TIAM1: variants seen among roughly 807,000 people sequenced by gnomAD.
TIAM1 encodes rho guanine nucleotide exchange factor TIAM1.
Under a neutral mutation model 163.5 loss-of-function variants are expected in TIAM1, and 65 were observed. That is an observed-to-expected ratio of 0.40 (90% CI 0.33 to 0.49). The LOEUF is 0.49. TIAM1 is among the 20% of genes least tolerant of loss of function. The pLI is 0.77. For synonymous variants in TIAM1, 833 were observed against 810.1 expected (o/e 1.03, Z -0.48); for missense variants, 1,789 against 2,044.7 (o/e 0.87, Z 2.41).
chr21:31,223,704 G>T, intron 7 of TIAM1, 113 bp from the exon 8 acceptor site: 1 of 1,113,272 alleles, frequency 9.0e-7, no homozygotes, highest in Non-Finnish European at 1.2e-6. Context: ...TAATCCTAAG[G>T]AATAAACAAC....
chr21:31,526,792 C>A (rs1050000541), intron 1 of TIAM1, among the ~76,000 whole-genome samples: 2 of 152,174 alleles, frequency 1.3e-5, no homozygotes, highest in African/African-American at 4.8e-5. Context: ...ACCTCCGCCT[C>A]CCAGGTTCGT....
chr21:31,216,012 T>G (rs2087186865), intron 9 of TIAM1, among the ~76,000 whole-genome samples: 1 of 151,948 alleles, frequency 6.6e-6, no homozygotes, highest in South Asian at 2.1e-4. Flanking sequence ...AATATAAAAA[T>G]AATAAGCTAT....
At chr21:31,289,613 G>A (rs951466532) in intron 2 of TIAM1, among the ~76,000 whole-genome samples, 2 of 152,116 alleles carry the variant, frequency 1.3e-5, no homozygotes, top group African/African-American at 4.8e-5. Context: ...ATGACAAATT[G>A]GGAGAGAATA....
chr21:31,502,276 T>G (rs1196148862), intron 1 of TIAM1, among the ~76,000 whole-genome samples: 8 of 152,154 alleles, frequency 5.3e-5, no homozygotes, highest in Admixed American at 5.2e-4. Context: ...TTATTTGTTT[T>G]TTATTTATCT....
At chr21:31,494,182 G>C (rs2046566931) in intron 1 of TIAM1, among the ~76,000 whole-genome samples, 1 of 152,106 alleles carries the variant, frequency 6.6e-6, no homozygotes, top group East Asian at 1.9e-4. Context: ...CCAAAGTGCT[G>C]GGATTACAGG....
At chr21:31,456,945 C>A (rs911645765) in intron 2 of TIAM1, among the ~76,000 whole-genome samples, 19 of 152,126 alleles carry the variant, frequency 1.2e-4, no homozygotes, top group Non-Finnish European at 8.8e-5. Flanking sequence ...ATACAAGACC[C>A]AACATTGCAC....
At chr21:31,552,646 C>T (rs1352516427) in intron 1 of TIAM1, among the ~76,000 whole-genome samples, 5 of 152,018 alleles carry the variant, frequency 3.3e-5, no homozygotes, top group Non-Finnish European at 5.9e-5. Context: ...TGGTGGTAGG[C>T]GCCTGTACAG....
chr21:31,354,210 G>T (rs943448032), intron 2 of TIAM1, among the ~76,000 whole-genome samples: 3 of 152,064 alleles, frequency 2.0e-5, no homozygotes, highest in African/African-American at 4.8e-5. Flanking sequence ...GGCTGAGTGT[G>T]ATTCCCAAAG....
At chr21:31,220,053 T>A (rs2087471288) in intron 8 of TIAM1, among the ~76,000 whole-genome samples, 1 of 152,132 alleles carries the variant, frequency 6.6e-6, no homozygotes, top group Non-Finnish European at 1.5e-5. Flanking sequence ...AGGAAAAAAA[T>A]GTCCATTTGG....
intron 1 of TIAM1, among the ~76,000 whole-genome samples, chr21:31,531,293 C>A (rs1171174696): frequency 6.6e-6 from 1 of 152,174 alleles, no homozygotes; most frequent in Non-Finnish European, 1.5e-5. Context: ...TTGCTCAGCT[C>A]CAACTGTAGG....
intron 1 of TIAM1, among the ~76,000 whole-genome samples, chr21:31,503,392 A>T (rs1283820483): frequency 7.1e-6 from 1 of 141,410 alleles, no homozygotes; most frequent in Non-Finnish European, 1.5e-5. Flanking sequence ...AAACTGAGGA[A>T]AGAAAAGAAA....
chr21:31,393,584 CA>C (rs2077003477), intron 2 of TIAM1, among the ~76,000 whole-genome samples: 1 of 152,146 alleles, frequency 6.6e-6, no homozygotes, highest in Non-Finnish European at 1.5e-5. Context: ...TCCTCTCCAC[CA>C]CCACTGAGAA....
At chr21:31,491,069 T>G (rs2046452923) in intron 1 of TIAM1, among the ~76,000 whole-genome samples, 1 of 152,108 alleles carries the variant, frequency 6.6e-6, no homozygotes, top group African/African-American at 2.4e-5. Flanking sequence ...AGTCGGAGGT[T>G]GCCGTGAGCC....
chr21:31,344,317 G>C (rs2076104050), upstream of TIAM1: 1 of 152,104 alleles, frequency 6.6e-6, no homozygotes, highest in Non-Finnish European at 1.5e-5. Flanking sequence ...AGGGTTGGTC[G>C]CTCCTCCCTT....
chr21:31,427,320 A>T (rs1429681324), intron 2 of TIAM1, among the ~76,000 whole-genome samples: 1 of 152,008 alleles, frequency 6.6e-6, no homozygotes, highest in Admixed American at 6.6e-5. Context: ...CCCTGTCTCT[A>T]CTAAAATATG....
intron 19 of TIAM1, among the ~76,000 whole-genome samples, chr21:31,152,035 TTTTTTTTTTTTTG>T (rs1000990495): frequency 3.4e-4 from 30 of 87,308 alleles, no homozygotes; most frequent in African/African-American, 1.5e-3. Flanking sequence ...TTTTTTTTTT[TTTTTTTTTTTTTG>T]TAAGACGGAG....
chr21:31,225,991 T>C (rs1285422222), intron 6 of TIAM1, 41 bp from the exon 7 acceptor site: 12 of 1,576,984 alleles, frequency 7.6e-6, no homozygotes, highest in Middle Eastern at 3.9e-4. Flanking sequence ...AGGCACCTCT[T>C]AGGAACTTAA....
At chr21:31,292,969 G>A (rs748276174) in intron 2 of TIAM1, among the ~76,000 whole-genome samples, 8 of 152,070 alleles carry the variant, frequency 5.3e-5, no homozygotes, top group Non-Finnish European at 1.0e-4. Flanking sequence ...GATTACAGGC[G>A]CCCGCCACCA....
At chr21:31,355,061 C>G (rs893401403) in intron 2 of TIAM1, among the ~76,000 whole-genome samples, 1 of 151,948 alleles carries the variant, frequency 6.6e-6, no homozygotes, top group Admixed American at 6.6e-5. Context: ...TAAAGAAGAG[C>G]TGTAATCCCT....
Sources: allele counts gnomAD v4.1 joint callset (sites outside exome capture counted in the v4.1 genomes callset), GRCh38; gene constraint gnomAD v4.1.1; transcripts MANE v1.5; gene names NCBI Gene and HGNC (gene_info 2026-07-23, HGNC 2026-07-21).